PRELID2: variants seen among roughly 807,000 people sequenced by gnomAD.
PRELID2 encodes the protein PRELI domain containing 2.
Under a neutral mutation model 28.4 loss-of-function variants are expected in PRELID2, and 25 were observed. That is an observed-to-expected ratio of 0.88 (90% confidence interval 0.64 to 1.23). The LOEUF is 1.23. Ranked by LOEUF, PRELID2 falls within the 50% of genes most tolerant of loss-of-function variation. The pLI is 0.00. For missense variants in PRELID2, 201 were observed against 214.4 expected (o/e 0.94, Z 0.39); for synonymous variants, 76 against 71.6 (o/e 1.06, Z -0.31).
At chr5:145,567,778 A>T (rs57217872) in intron 1 of PRELID2, among the ~76,000 whole-genome samples, 17,404 of 152,018 alleles carry the variant, frequency 0.11, 1,371 homozygotes, top group Admixed American at 0.21. Context: ...TTCCACCATG[A>T]TTGTAAGTTT....
At chr5:145,432,339 T>C in the PRELID2 span, among the ~76,000 whole-genome samples, 1 of 151,446 alleles carries the variant, frequency 6.6e-6, no homozygotes, top group Non-Finnish European at 1.5e-5. Flanking sequence ...TGAGAGCTTT[T>C]AATTTTAAGG....
At chr5:145,646,452 C>A (rs2149667719) in intron 1 of PRELID2, among the ~76,000 whole-genome samples, 1 of 152,210 alleles carries the variant, frequency 6.6e-6, no homozygotes, top group East Asian at 1.9e-4. Context: ...TTTCAAGGTT[C>A]TTAGCTTCCT....
chr5:145,478,568 GA>G (rs918074192), intron 1 of PRELID2, among the ~76,000 whole-genome samples: 19 of 151,420 alleles, frequency 1.3e-4, no homozygotes, highest in Middle Eastern at 3.4e-3. Flanking sequence ...TAAAGAAAAA[GA>G]AAAAAAATAT....
chr5:145,398,167 T>C, the PRELID2 span, among the ~76,000 whole-genome samples: 56,009 of 151,856 alleles, frequency 0.37, 11,363 homozygotes, highest in East Asian at 0.67. Flanking sequence ...GTACTGCCCA[T>C]CTTCTACTCC....
At chr5:145,292,023 A>G in the PRELID2 span, among the ~76,000 whole-genome samples, 1 of 152,082 alleles carries the variant, frequency 6.6e-6, no homozygotes. Context: ...TAATTTTTTT[A>G]TGTTTGCAAC....
chr5:145,790,721 GTA>G (rs59779850), intron 5 of PRELID2, among the ~76,000 whole-genome samples: 7,541 of 110,808 alleles, frequency 0.068, 614 homozygotes, highest in African/African-American at 0.2. Flanking sequence ...GTGTGTGTGT[GTA>G]TATATATATA....
chr5:145,305,800 T>G, the PRELID2 span, among the ~76,000 whole-genome samples: 1 of 152,000 alleles, frequency 6.6e-6, no homozygotes. Flanking sequence ...AACCCTTAAC[T>G]CCAAACAGTT....
At chr5:145,466,999 G>A (rs919984828), downstream of PRELID2, among the ~76,000 whole-genome samples, 7 of 152,026 alleles carry the variant, frequency 4.6e-5, no homozygotes, top group African/African-American at 1.7e-4. Flanking sequence ...GTCTCAACCA[G>A]GGTCACTAGT....
chr5:145,701,934 C>A (rs570763566), intron 1 of PRELID2, among the ~76,000 whole-genome samples: 1 of 151,996 alleles, frequency 6.6e-6, no homozygotes, highest in African/African-American at 2.4e-5. Context: ...GCCTGTAATC[C>A]CAGGTACTCG....
At chr5:145,382,786 A>C in the PRELID2 span, among the ~76,000 whole-genome samples, 1,042 of 152,046 alleles carry the variant, frequency 6.9e-3, 16 homozygotes, top group African/African-American at 0.024. Context: ...AAAATATTTC[A>C]TTTTTCCTTC....
At chr5:145,323,380 A>G in the PRELID2 span, among the ~76,000 whole-genome samples, 2 of 152,218 alleles carry the variant, frequency 1.3e-5, no homozygotes, top group Admixed American at 1.3e-4. Context: ...AGAAGCCATT[A>G]AAGAGTGTTA....
chr5:145,717,482 A>T (rs1755874492), intron 1 of PRELID2, among the ~76,000 whole-genome samples: 1 of 152,120 alleles, frequency 6.6e-6, no homozygotes, highest in Non-Finnish European at 1.5e-5. Context: ...GTCTTATCAT[A>T]TATACGCATG....
At chr5:145,412,691 G>T in the PRELID2 span, among the ~76,000 whole-genome samples, 2 of 152,090 alleles carry the variant, frequency 1.3e-5, no homozygotes, top group African/African-American at 4.8e-5. Context: ...TGTCTTTATA[G>T]CAGCTCCCCA....
chr5:145,609,953 AACC>A (rs968050857), intron 1 of PRELID2, among the ~76,000 whole-genome samples: 7 of 152,182 alleles, frequency 4.6e-5, no homozygotes, highest in Non-Finnish European at 8.8e-5. Flanking sequence ...TGCTCCCAGG[AACC>A]ACGACTGCAG....
the PRELID2 span, among the ~76,000 whole-genome samples, chr5:145,248,185 T>C: frequency 6.6e-6 from 1 of 152,036 alleles, no homozygotes; most frequent in East Asian, 1.9e-4. Flanking sequence ...AAATGCAAAA[T>C]TCCTATATTT....
At chr5:145,581,229 T>G (rs1424317557) in intron 1 of PRELID2, among the ~76,000 whole-genome samples, 1 of 151,962 alleles carries the variant, frequency 6.6e-6, no homozygotes, top group Non-Finnish European at 1.5e-5. Context: ...CATCTTCTAC[T>G]CCCCACAAAG....
chr5:145,237,858 G>T, the PRELID2 span, among the ~76,000 whole-genome samples: 6 of 152,202 alleles, frequency 3.9e-5, no homozygotes, highest in South Asian at 4.1e-4. Flanking sequence ...CTTCTGGAAA[G>T]AAGTGGTCAG....
the PRELID2 span, among the ~76,000 whole-genome samples, chr5:145,335,514 T>C: frequency 2.0e-5 from 3 of 152,296 alleles, no homozygotes; most frequent in East Asian, 5.8e-4. Context: ...TATCAGTTAC[T>C]GAAAACTTCT....
At chr5:145,671,648 A>T (rs1015124661) in intron 1 of PRELID2, among the ~76,000 whole-genome samples, 2 of 152,230 alleles carry the variant, frequency 1.3e-5, no homozygotes, top group African/African-American at 4.8e-5. Flanking sequence ...CGACATCCAC[A>T]GCAGACATCA....
Sources: allele counts gnomAD v4.1 joint callset (sites outside exome capture counted in the v4.1 genomes callset), GRCh38; gene constraint gnomAD v4.1.1; transcripts MANE v1.5; gene names NCBI Gene and HGNC (gene_info 2026-07-23, HGNC 2026-07-21).